Variants in GRIN3A observed in about 807,000 individuals in gnomAD.
The protein encoded by GRIN3A is glutamate ionotropic receptor NMDA type subunit 3A, also known as glutamate receptor ionotropic, NMDA 3A.
GRIN3A carries 47 observed loss-of-function variants against 92.4 expected under a neutral mutation model. That is an observed-to-expected ratio of 0.51 (90% CI 0.40 to 0.65). The LOEUF (loss-of-function observed/expected upper bound fraction) is 0.65, where lower values mean the gene tolerates loss of function less well. Among genes scored for constraint, GRIN3A ranks in the 30% least tolerant of loss-of-function variants. The pLI, the probability that GRIN3A is intolerant of heterozygous loss-of-function variation, is 0.00. For synonymous variants in GRIN3A, 527 were observed against 540.6 expected (o/e 0.97, Z 0.35); for missense variants, 1,324 against 1,393.1 (o/e 0.95, Z 0.79).
chr9:101,618,155 A>G (rs1564127826), intron 5 of GRIN3A, among the ~76,000 whole-genome samples: 1 of 151,154 alleles, frequency 6.6e-6, no homozygotes, highest in Non-Finnish European at 1.5e-5. Context: ...AAAACACCAA[A>G]AGCAATGGCA....
chr9:101,594,548 G>A lies in GRIN3A; in HGVS notation c.2767-15188C>T, dbSNP rs1200972717. 2.5e-6 allele frequency: 4 copies of A among 1,614,182 alleles called. No individual in the cohort carries two copies. The South Asian group carries it at 3.3e-5, about 13-fold the overall frequency. ...GACCAGCTGCTGGAGCTGCCAGTCC[G>A]TCAGGTTGTTGCCCACCATCATCTT... On this transcript the variant is annotated intron_variant, in intron 6 of 8. Coordinates refer to ENST00000361820, the MANE Select transcript of GRIN3A (RefSeq NM_133445.3).
chr9:101,687,286 T>A (rs1160661612), intron 1 of GRIN3A, 86 bp from the exon 2 acceptor site: 3 of 1,311,682 alleles, frequency 2.3e-6, no homozygotes, highest in Non-Finnish European at 3.3e-6. Context: ...TTATGAGGCT[T>A]AATCCTTTAA....
chr9:101,679,468 A>AC (rs1235842043), intron 2 of GRIN3A, among the ~76,000 whole-genome samples: 2 of 151,920 alleles, frequency 1.3e-5, no homozygotes, highest in African/African-American at 4.8e-5. Context: ...AGTCCCCCCG[A>AC]CCCCGCCCCG....
intron 3 of GRIN3A, among the ~76,000 whole-genome samples, chr9:101,644,570 T>C (rs942557094): frequency 4.6e-5 from 7 of 151,690 alleles, no homozygotes; most frequent in African/African-American, 7.3e-5. Context: ...ACTGTTGAAA[T>C]GGAAATTATG....
At chr9:101,679,036 T>A (rs1316975391) in intron 2 of GRIN3A, among the ~76,000 whole-genome samples, 1 of 152,218 alleles carries the variant, frequency 6.6e-6, no homozygotes, top group Non-Finnish European at 1.5e-5. Flanking sequence ...TTCTGGCTCT[T>A]TGGATCTGGC....
intron 6 of GRIN3A, among the ~76,000 whole-genome samples, chr9:101,586,762 T>C (rs960595828): frequency 6.6e-6 from 1 of 152,202 alleles, no homozygotes; most frequent in African/African-American, 2.4e-5. Context: ...AATCACAGAC[T>C]CCCTGCTCCC....
chr9:101,713,026 T>C (rs1395882708), intron 1 of GRIN3A, among the ~76,000 whole-genome samples: 5 of 152,158 alleles, frequency 3.3e-5, no homozygotes, highest in Non-Finnish European at 7.4e-5. Flanking sequence ...AGAGATGGGA[T>C]TCAAACCCAG....
intron 3 of GRIN3A, among the ~76,000 whole-genome samples, chr9:101,648,378 AC>A (rs1305589468): frequency 6.6e-6 from 1 of 152,084 alleles, no homozygotes; most frequent in East Asian, 1.9e-4. Context: ...TTGTGACCTT[AC>A]ATGTGGTCTC....
chr9:101,661,057 G>T (rs1368985270), intron 3 of GRIN3A, among the ~76,000 whole-genome samples: 2 of 151,706 alleles, frequency 1.3e-5, no homozygotes, highest in Non-Finnish European at 2.9e-5. Flanking sequence ...GAATAAACTG[G>T]GTGGAAATGA....
chr9:101,676,334 C>T (rs1206132050), intron 2 of GRIN3A, among the ~76,000 whole-genome samples: 2 of 151,604 alleles, frequency 1.3e-5, no homozygotes, highest in Non-Finnish European at 2.9e-5. Flanking sequence ...TATTGCCTTC[C>T]ATTAATCATA....
chr9:101,721,321 G>A (rs189999920), intron 1 of GRIN3A, among the ~76,000 whole-genome samples: 1 of 152,314 alleles, frequency 6.6e-6, no homozygotes, highest in Non-Finnish European at 1.5e-5. Context: ...CTCCCGCCAT[G>A]ATTCTAAGGC....
rs1182177512 is a variant in GRIN3A, at chr9:101,570,023, C to T, written c.*3151G>A. 6.6e-6 allele frequency: 1 copy of T among 152,172 alleles called. No homozygotes were observed. Among genetic ancestry groups the T allele is most frequent in the African/African-American group, 2.4e-5 (1 of 41,452 alleles). 9.4% of individuals were successfully genotyped at this position (152,172 alleles called of 1,614,324 possible). Reference sequence around the variant, plus strand: ...AGATTCATGAATAGCAGAGAGTCATCTCCAGGCACATTAAAGACCTCGACT... The same window carrying T: ...AGATTCATGAATAGCAGAGAGTCATTTCCAGGCACATTAAAGACCTCGACT... On this transcript the variant is annotated 3_prime_UTR_variant, in exon 9 of 9. Coordinates refer to ENST00000361820, the MANE Select transcript of GRIN3A (RefSeq NM_133445.3).
intron 1 of GRIN3A, among the ~76,000 whole-genome samples, chr9:101,736,869 A>G (rs1830213120): frequency 6.6e-6 from 1 of 152,014 alleles, no homozygotes; most frequent in Non-Finnish European, 1.5e-5. Flanking sequence ...GGAGTGTGAC[A>G]CCTAGCCAGG....
intron 3 of GRIN3A, among the ~76,000 whole-genome samples, chr9:101,632,788 A>G (rs932819864): frequency 6.6e-6 from 1 of 152,200 alleles, no homozygotes; most frequent in Admixed American, 6.5e-5. Context: ...TAATTCAGAC[A>G]GCCAGGGATG....
At chr9:101,650,815 AC>A (rs570729371) in intron 3 of GRIN3A, among the ~76,000 whole-genome samples, 4 of 150,850 alleles carry the variant, frequency 2.7e-5, no homozygotes, top group Admixed American at 1.3e-4. Flanking sequence ...CTGGAATTCC[AC>A]CCCCCCACAC....
intron 1 of GRIN3A, among the ~76,000 whole-genome samples, chr9:101,689,349 A>T (rs925975854): frequency 1.3e-5 from 2 of 152,196 alleles, no homozygotes; most frequent in Non-Finnish European, 2.9e-5. Flanking sequence ...AATATGGCTT[A>T]AGAGTCACGG....
intron 3 of GRIN3A, among the ~76,000 whole-genome samples, chr9:101,649,015 A>G (rs1390943378): frequency 1.3e-5 from 2 of 152,178 alleles, no homozygotes; most frequent in Middle Eastern, 6.8e-3. Context: ...GACATAATGG[A>G]AACCAGAACT....
Position 101,605,707 on chromosome 9 carries a change from G to A in GRIN3A, c.2766+7669C>T, listed in dbSNP as rs1035147600. On this transcript the variant is annotated intron_variant, in intron 6 of 8. Transcript: ENST00000361820. ...GATATGGGGTACTGTTTCCTGCTGC[G>A]CACTTCCCCTGATAATAAAATCACT... 6.6e-5 allele frequency among the ~76,000 whole-genome samples: 10 copies of A among 152,134 alleles called. 1 individual carries two copies. The highest frequency in any genetic ancestry group is 6.2e-4 in the South Asian group (3 of 4,830).
chr9:101,703,940 T>C (rs376993895), intron 1 of GRIN3A, among the ~76,000 whole-genome samples: 42 of 152,332 alleles, frequency 2.8e-4, no homozygotes, highest in African/African-American at 9.1e-4. Flanking sequence ...CTTATCTCTA[T>C]CTTGGTCTCT....
Sources: gnomAD v4.1 joint callset for allele counts (sites outside exome capture counted in the v4.1 genomes callset) on GRCh38, gnomAD v4.1.1 for gene constraint, MANE v1.5 for transcripts, NCBI Gene and HGNC (gene_info 2026-07-23, HGNC 2026-07-21) for gene names.